The following JAK2 variants were observed in gnomAD, a reference collection of about 807,000 sequenced individuals.
The protein encoded by JAK2 is Janus kinase 2.
A neutral mutation model predicts 139.3 loss-of-function variants in JAK2; 86 were observed. That is an observed-to-expected ratio of 0.62 (90% CI 0.52 to 0.74). The LOEUF (loss-of-function observed/expected upper bound fraction) is 0.74. Among genes scored for constraint, JAK2 ranks in the 30% least tolerant of loss-of-function variants. The probability of loss-of-function intolerance (pLI) is 0.00; values close to 1 mark genes in which losing one functional copy is unlikely to be tolerated. For synonymous variants in JAK2, 490 were observed against 437.7 expected (o/e 1.12, Z -1.49); for missense variants, 1,421 against 1,360.3 (o/e 1.04, Z -0.70).
At chr9:5,032,093 T>A (rs1823197740) in intron 4 of JAK2, among the ~76,000 whole-genome samples, 1 of 151,884 alleles carries the variant, frequency 6.6e-6, no homozygotes, top group African/African-American at 2.4e-5. Context: ...TATTAGCAAA[T>A]GGCACATATC....
chr9:5,010,362 C>T (rs924970250), intron 2 of JAK2, among the ~76,000 whole-genome samples: 6 of 140,490 alleles, frequency 4.3e-5, no homozygotes, highest in Non-Finnish European at 9.2e-5. Flanking sequence ...CTCGCTCTGT[C>T]GCCCAGGCTG....
intron 22 of JAK2, chr9:5,114,268 TG>T: frequency 1.8e-6 from 1 of 545,106 alleles, no homozygotes. Context: ...GTGGTGGACC[TG>T]GCACCCAGCA....
chr9:5,103,074 G>A (rs1449104205), intron 22 of JAK2, among the ~76,000 whole-genome samples: 2 of 151,716 alleles, frequency 1.3e-5, no homozygotes, highest in East Asian at 3.9e-4. Flanking sequence ...TGGGATGAAT[G>A]CCCCAATTAA....
intron 19 of JAK2, among the ~76,000 whole-genome samples, chr9:5,088,795 T>C (rs1001175644): frequency 3.3e-5 from 5 of 152,234 alleles, no homozygotes; most frequent in Non-Finnish European, 7.3e-5. Flanking sequence ...CTCTAATGTC[T>C]CTTCCTCTTA....
chr9:5,025,210 A>G (rs1822705469), intron 3 of JAK2, among the ~76,000 whole-genome samples: 1 of 151,494 alleles, frequency 6.6e-6, no homozygotes, highest in African/African-American at 2.4e-5. Context: ...CACTGATGTT[A>G]CTCTTTTACT....
chr9:5,105,353 T>C (rs866867537), intron 22 of JAK2, among the ~76,000 whole-genome samples: 1 of 152,088 alleles, frequency 6.6e-6, no homozygotes, highest in Admixed American at 6.6e-5. Flanking sequence ...TTACAAGAGA[T>C]GCGAAGGACC....
intron 2 of JAK2, among the ~76,000 whole-genome samples, chr9:4,999,966 T>C (rs1820835652): frequency 6.6e-6 from 1 of 152,190 alleles, no homozygotes; most frequent in Admixed American, 6.5e-5. Context: ...ATTCTTCTTG[T>C]TTACCAGTCA....
At chr9:5,103,202 C>T (rs185237750) in intron 22 of JAK2, among the ~76,000 whole-genome samples, 45 of 52,538 alleles carry the variant, frequency 8.6e-4, no homozygotes, top group Admixed American at 1.2e-3. Flanking sequence ...GGAGGAAGAT[C>T]TACCAAGCAA....
chr9:5,006,530 G>A (rs1821313677), intron 2 of JAK2, among the ~76,000 whole-genome samples: 1 of 152,160 alleles, frequency 6.6e-6, no homozygotes. Flanking sequence ...ATTGACTCAT[G>A]GTTCCATAGG....
At chr9:5,116,591 G>C (rs1769914585) in intron 22 of JAK2, among the ~76,000 whole-genome samples, 1 of 152,114 alleles carries the variant, frequency 6.6e-6, no homozygotes, top group African/African-American at 2.4e-5. Flanking sequence ...AAAAATATTA[G>C]TTATATGAAG....
chr9:5,022,420 T>G (rs577082095), intron 3 of JAK2, among the ~76,000 whole-genome samples: 2 of 152,304 alleles, frequency 1.3e-5, no homozygotes, highest in African/African-American at 4.8e-5. Context: ...CAAAACAAAT[T>G]GATGCCCATA....
At chr9:5,080,898 T>C (rs1015449295) in intron 18 of JAK2, among the ~76,000 whole-genome samples, 13 of 138,246 alleles carry the variant, frequency 9.4e-5, no homozygotes, top group African/African-American at 2.7e-4. Flanking sequence ...TTTTCTTTTT[T>C]TTTTTTTTTT....
chr9:5,088,341 A>ATAAC (rs1346119920), intron 19 of JAK2, among the ~76,000 whole-genome samples: 1 of 152,224 alleles, frequency 6.6e-6, no homozygotes, highest in African/African-American at 2.4e-5. Flanking sequence ...CTTCAAGTAT[A>ATAAC]TAACTGAAAA....
intron 22 of JAK2, chr9:5,111,636 G>A (rs569437401): frequency 5.8e-5 from 22 of 381,368 alleles, no homozygotes; most frequent in Non-Finnish European, 1.1e-4. Context: ...CTGGGCGGGG[G>A]CTCATGCCCC....
At chr9:5,026,467 G>T (rs1822790303) in intron 3 of JAK2, among the ~76,000 whole-genome samples, 1 of 152,186 alleles carries the variant, frequency 6.6e-6, no homozygotes, top group African/African-American at 2.4e-5. Flanking sequence ...AAGAATTTAA[G>T]TCTTTCTTGT....
intron 22 of JAK2, among the ~76,000 whole-genome samples, chr9:5,091,892 G>A (rs1260012881): frequency 2.0e-5 from 3 of 152,064 alleles, no homozygotes; most frequent in African/African-American, 7.2e-5. Context: ...ACCTAGGGTG[G>A]TTACACCTAG....
chr9:5,042,590 C>G (rs548552662), intron 4 of JAK2, among the ~76,000 whole-genome samples: 1 of 134,858 alleles, frequency 7.4e-6, no homozygotes, highest in Non-Finnish European at 1.6e-5. Flanking sequence ...CTGGAGGCCC[C>G]CAGGGCTGAG....
rs1817645653 is a variant in JAK2, at chr9:5,054,773, T to A, written c.825T>A (p.Pro275=). 1 of 1,613,248 alleles carries A rather than the reference T, an allele frequency of 6.2e-7. No homozygotes were observed. Among genetic ancestry groups the A allele is most frequent in the South Asian group, 1.1e-5 (1 of 91,044 alleles). Residue 275 remains proline, a synonymous_variant, in exon 7 of 25, where the codon CCT becomes CCA. Coordinates refer to ENST00000381652, the MANE Select transcript of JAK2 (RefSeq NM_004972.4). The surrounding 1 kb of genome is among the most constrained non-coding windows in gnomAD (Gnocchi z 4.9). ...FYTEKFEVKE[P]GSGPSGEEIF... ...CAGAGAAATTTGAAGTAAAAGAACC[T>A]GGAAGTGGTCCTTCAGGTGAGGAGA... is the stretch of plus-strand genomic sequence containing the variant.
chr9:5,105,272 A>G (rs1218727214), intron 22 of JAK2, among the ~76,000 whole-genome samples: 1 of 152,206 alleles, frequency 6.6e-6, no homozygotes, highest in Admixed American at 6.5e-5. Context: ...ATAACAGACA[A>G]ACATACAGCC....
Sources: gnomAD v4.1 joint callset for allele counts (sites outside exome capture counted in the v4.1 genomes callset) on GRCh38, gnomAD v4.1.1 for gene constraint, Gnocchi (gnomAD v3.1) non-coding constraint, MANE v1.5 for transcripts, NCBI Gene and HGNC (gene_info 2026-07-23, HGNC 2026-07-21) for gene names.